Variants in WDR27 observed in about 807,000 individuals in gnomAD.
WDR27 encodes WD repeat domain 27, also known as WD repeat-containing protein 27.
WDR27 carries 100 observed loss-of-function variants against 114.4 expected under a neutral mutation model. The ratio of observed to expected loss-of-function variants is 0.87; its 90% CI spans 0.74 to 1.03. WDR27 has a LOEUF of 1.03. WDR27 is among the 50% of genes least tolerant of loss of function. WDR27 has a pLI of 0.00. For missense variants in WDR27, 1,129 were observed against 1,092.9 expected, an observed-to-expected ratio of 1.03 and a Z score of -0.47; for synonymous variants, 449 against 423.1, an observed-to-expected ratio of 1.06 and a Z score of -0.75.
At chr6:169,678,347 T>A (rs1236830118) in intron 2 of WDR27, among the ~76,000 whole-genome samples, 3 of 152,192 alleles carry the variant, frequency 2.0e-5, no homozygotes, top group Non-Finnish European at 4.4e-5. Context: ...CTTTATGATT[T>A]AATGACTGTC....
At chr6:169,528,140 C>A (rs1795159329) in intron 25 of WDR27, among the ~76,000 whole-genome samples, 1 of 151,914 alleles carries the variant, frequency 6.6e-6, no homozygotes, top group Non-Finnish European at 1.5e-5. Flanking sequence ...CATAAATGTG[C>A]AATGTAAAGT....
At chr6:169,544,541 C>A (rs1191230602) in intron 25 of WDR27, among the ~76,000 whole-genome samples, 1 of 151,884 alleles carries the variant, frequency 6.6e-6, no homozygotes, top group Non-Finnish European at 1.5e-5. Flanking sequence ...CAGGTTCAAG[C>A]AATCCTCTTA....
At chr6:169,593,842 CTG>C (rs1440339448) in intron 23 of WDR27, among the ~76,000 whole-genome samples, 1 of 147,962 alleles carries the variant, frequency 6.8e-6, no homozygotes, top group Non-Finnish European at 1.5e-5. Flanking sequence ...GAGCAAGACT[CTG>C]TCTCAAAAAA....
intron 21 of WDR27, among the ~76,000 whole-genome samples, chr6:169,621,450 A>G (rs189297868): frequency 3.0e-4 from 46 of 152,228 alleles, no homozygotes; most frequent in Non-Finnish European, 3.5e-4. Flanking sequence ...ATATGCACAC[A>G]TGCACACACA....
intron 25 of WDR27, among the ~76,000 whole-genome samples, chr6:169,481,727 C>T (rs1254691163): frequency 6.6e-6 from 1 of 151,898 alleles, no homozygotes; most frequent in Admixed American, 6.6e-5. Context: ...ATGAACAACT[C>T]CAGACGGGAG....
chr6:169,462,506 A>G (rs1022576317), intron 25 of WDR27, among the ~76,000 whole-genome samples: 2 of 152,010 alleles, frequency 1.3e-5, no homozygotes, highest in Non-Finnish European at 2.9e-5. Flanking sequence ...GAAAGAAAGA[A>G]AGAAAGAGTA....
intron 25 of WDR27, among the ~76,000 whole-genome samples, chr6:169,562,523 C>T (rs575786624): frequency 6.6e-6 from 1 of 152,256 alleles, no homozygotes; most frequent in South Asian, 2.1e-4. Context: ...GCACCTACAG[C>T]TGTGTCAGGG....
At chr6:169,501,761 G>A (rs373756575) in intron 25 of WDR27, among the ~76,000 whole-genome samples, 7 of 152,310 alleles carry the variant, frequency 4.6e-5, no homozygotes, top group Middle Eastern at 3.4e-3. Flanking sequence ...AGGAGTTTGC[G>A]GTTGTCTGCT....
intron 23 of WDR27, among the ~76,000 whole-genome samples, chr6:169,585,119 G>A (rs536540061): frequency 6.6e-6 from 1 of 152,110 alleles, no homozygotes; most frequent in Admixed American, 6.6e-5. Context: ...ACAAAAGAAT[G>A]AAATTGGACC....
chr6:169,587,110 T>C (rs1029220316), intron 23 of WDR27, among the ~76,000 whole-genome samples: 1 of 151,920 alleles, frequency 6.6e-6, no homozygotes, highest in Non-Finnish European at 1.5e-5. Context: ...CTTCTCTTCC[T>C]TACCAATAAA....
At chr6:169,670,506 C>T in intron 4 of WDR27, 63 bp downstream of exon 4, 2 of 1,604,260 alleles carry the variant, frequency 1.2e-6, no homozygotes, top group Non-Finnish European at 1.7e-6. Context: ...GGCAAGGTCC[C>T]AGAACCTGGG....
intron 25 of WDR27, among the ~76,000 whole-genome samples, chr6:169,502,005 G>C (rs1214790782): frequency 6.6e-6 from 1 of 152,234 alleles, no homozygotes; most frequent in African/African-American, 2.4e-5. Flanking sequence ...GCTCCAGTGT[G>C]ACACGGAGCC....
intron 1 of WDR27, among the ~76,000 whole-genome samples, chr6:169,697,300 C>T (rs1336053723): frequency 2.6e-5 from 4 of 152,150 alleles, no homozygotes; most frequent in Non-Finnish European, 5.9e-5. Flanking sequence ...CAGACAGGAC[C>T]ACCAGAGGGC....
intron 25 of WDR27, among the ~76,000 whole-genome samples, chr6:169,489,855 A>C (rs138262773): frequency 1.3e-5 from 2 of 152,318 alleles, no homozygotes; most frequent in African/African-American, 4.8e-5. Context: ...ACTGTGTTTA[A>C]AGTTCCTGAG....
intron 25 of WDR27, among the ~76,000 whole-genome samples, chr6:169,502,094 G>A (rs530421975): frequency 2.0e-5 from 3 of 152,308 alleles, no homozygotes; most frequent in East Asian, 1.9e-4. Flanking sequence ...CAGCCGCCCC[G>A]GGGCTGCGGG....
intron 22 of WDR27, among the ~76,000 whole-genome samples, chr6:169,604,189 TAAAC>T (rs1808640801): frequency 1.3e-5 from 2 of 152,006 alleles, no homozygotes; most frequent in African/African-American, 4.8e-5. Flanking sequence ...TTTGAGAAGA[TAAAC>T]AAAATTGATA....
intron 21 of WDR27, among the ~76,000 whole-genome samples, chr6:169,625,768 C>T (rs142170921): frequency 1.3e-4 from 20 of 152,314 alleles, no homozygotes; most frequent in Middle Eastern, 3.4e-3. Context: ...GTCTGGGGCT[C>T]TGGGGGGGAT....
intron 2 of WDR27, among the ~76,000 whole-genome samples, chr6:169,683,744 G>A (rs1782166113): frequency 6.6e-6 from 1 of 152,136 alleles, no homozygotes; most frequent in Non-Finnish European, 1.5e-5. Context: ...CAAGGAAAAG[G>A]TAAGCAAAAG....
chr6:169,519,067 AAGTT>A (rs1477300716), intron 25 of WDR27, among the ~76,000 whole-genome samples: 2 of 152,166 alleles, frequency 1.3e-5, no homozygotes, highest in African/African-American at 4.8e-5. Context: ...AGTTCTCCAT[AAGTT>A]CCTCATTTCC....
Sources: gnomAD v4.1 joint callset for allele counts (sites outside exome capture counted in the v4.1 genomes callset) on GRCh38, gnomAD v4.1.1 for gene constraint, MANE v1.5 for transcripts, NCBI Gene and HGNC (gene_info 2026-07-23, HGNC 2026-07-21) for gene names.